RERE: variants seen among roughly 807,000 people sequenced by gnomAD.
RERE encodes arginine-glutamic acid dipeptide repeats protein.
Under a neutral mutation model 146.1 loss-of-function variants are expected in RERE, and 40 were observed. The observed-to-expected ratio is 0.27, with a 90% CI of 0.21 to 0.36. The LOEUF is 0.36. Ranked by LOEUF, RERE falls within the 10% of genes least tolerant of loss-of-function variation. The probability of loss-of-function intolerance (pLI) is 1.00; values close to 1 mark genes in which losing one functional copy is unlikely to be tolerated. For missense variants in RERE, 1,933 were observed against 2,138.7 expected, an observed-to-expected ratio of 0.90 and a Z score of 1.90; for synonymous variants, 1,003 against 866.0, an observed-to-expected ratio of 1.16 and a Z score of -2.78.
At chr1:8,567,310 T>C (rs1328681337) in intron 4 of RERE, among the ~76,000 whole-genome samples, 1 of 152,148 alleles carries the variant, frequency 6.6e-6, no homozygotes, top group Non-Finnish European at 1.5e-5. Context: ...TCACCTTCTA[T>C]CAGATGTTGA....
intron 4 of RERE, among the ~76,000 whole-genome samples, chr1:8,595,386 G>A (rs1246945375): frequency 6.6e-6 from 1 of 151,038 alleles, no homozygotes; most frequent in Non-Finnish European, 1.5e-5. Context: ...CTGTTGTCCT[G>A]AATATTTTGT....
intron 10 of RERE, among the ~76,000 whole-genome samples, chr1:8,492,168 C>T (rs1233865007): frequency 6.6e-6 from 1 of 152,152 alleles, no homozygotes; most frequent in African/African-American, 2.4e-5. Flanking sequence ...TGAAGAGTTT[C>T]AGTGTCATAA....
At chr1:8,371,401 AAAAG>A (rs1187250809) in intron 12 of RERE, among the ~76,000 whole-genome samples, 1 of 152,204 alleles carries the variant, frequency 6.6e-6, no homozygotes, top group African/African-American at 2.4e-5. Flanking sequence ...ATTTCCCACA[AAAAG>A]AAAAACAAGG....
intron 1 of RERE, among the ~76,000 whole-genome samples, chr1:8,669,077 T>TGTGTGTGTGTGTGTGTG (rs1220047868): frequency 7.5e-6 from 1 of 134,082 alleles, no homozygotes; most frequent in African/African-American, 2.8e-5. Flanking sequence ...TGTGTGTGTG[T>TGTGTGTGTGTGTGTGTG]TGTGTTTTTA....
chr1:8,810,563 C>T (rs745971055), intron 1 of RERE, among the ~76,000 whole-genome samples: 17 of 152,018 alleles, frequency 1.1e-4, no homozygotes, highest in South Asian at 6.2e-4. Context: ...GCAGAGATTG[C>T]GCCACTGCAC....
chr1:8,774,101 C>T (rs1557534602), intron 1 of RERE, among the ~76,000 whole-genome samples: 1 of 152,174 alleles, frequency 6.6e-6, no homozygotes, highest in Non-Finnish European at 1.5e-5. Context: ...CTCCACGAAT[C>T]CACACACGCA....
intron 4 of RERE, 39 bp downstream of exon 4, chr1:8,614,522 T>C (rs1646828697): frequency 1.3e-6 from 2 of 1,592,470 alleles, no homozygotes; most frequent in East Asian, 4.5e-5. Flanking sequence ...CTATGGGATA[T>C]AAAATACTGA....
rs577315623 is a variant in RERE, at chr1:8,367,243, A to C, written c.1285-1269T>G. 7.2e-5 allele frequency among the ~76,000 whole-genome samples: 11 copies of C among 152,318 alleles called. 1 individual carries two copies. The East Asian group carries it at 1.9e-3, about 27-fold the overall frequency. On this transcript the variant is annotated intron_variant, in intron 12 of 22. Transcript: ENST00000400908. ...CACCCATCAGACCAGATTTCATCCA[A>C]AACACCCCCAGAGGAAATGGCCTCA... is the stretch of plus-strand genomic sequence containing the variant.
intron 1 of RERE, among the ~76,000 whole-genome samples, chr1:8,685,770 T>C (rs1639073318): frequency 6.6e-6 from 1 of 152,168 alleles, no homozygotes. Context: ...GAAAAGAAGC[T>C]GGTGCATAAA....
chr1:8,571,181 T>C (rs751252194), intron 4 of RERE, among the ~76,000 whole-genome samples: 17 of 152,330 alleles, frequency 1.1e-4, no homozygotes, highest in African/African-American at 1.9e-4. Flanking sequence ...ATGATACTGC[T>C]TCCTACCTGA....
chr1:8,371,754 G>A (rs1642045085), intron 12 of RERE, among the ~76,000 whole-genome samples: 1 of 152,242 alleles, frequency 6.6e-6, no homozygotes, highest in Non-Finnish European at 1.5e-5. Context: ...TGGAGCAACA[G>A]GGGCCGGGGC....
chr1:8,728,046 C>A (rs960279806), intron 1 of RERE, among the ~76,000 whole-genome samples: 8 of 152,224 alleles, frequency 5.3e-5, no homozygotes, highest in African/African-American at 1.9e-4. Context: ...TCCCCAGAGG[C>A]TACTTCTGCA....
At chr1:8,380,956 T>G (rs1311935389) in intron 12 of RERE, 1 of 456,704 alleles carries the variant, frequency 2.2e-6, no homozygotes, top group South Asian at 1.5e-5. Context: ...AGTCCTTCCC[T>G]GGGTAAAAGG....
intron 12 of RERE, among the ~76,000 whole-genome samples, chr1:8,417,356 G>A (rs144643097): frequency 3.9e-5 from 6 of 152,276 alleles, no homozygotes; most frequent in African/African-American, 9.6e-5. Context: ...AGTTACGTAC[G>A]TATTTAATAG....
chr1:8,545,338 G>C (rs1049753834), intron 6 of RERE, among the ~76,000 whole-genome samples: 2 of 152,184 alleles, frequency 1.3e-5, no homozygotes, highest in East Asian at 1.9e-4. Flanking sequence ...GCGGGCCCCA[G>C]AGAGTTTTAC....
chr1:8,361,707 G>A lies in RERE; in HGVS notation c.2016+56C>T, dbSNP rs1641588609. On this transcript the variant is annotated intron_variant, in intron 17 of 22. Transcript: ENST00000400908. ...CCACCAACTAGGGAGAACCCCGGCT[G>A]GGGGCTTCTGAAGAAGCATTAGCTT... The A allele has an allele frequency of 9.5e-6, 14 of 1,475,712 alleles. No individual in the cohort carries two copies. The South Asian group carries it at 1.1e-4, about 12-fold the overall frequency. 91.4% of individuals were successfully genotyped at this position (1,475,712 alleles called of 1,614,324 possible).
intron 12 of RERE, among the ~76,000 whole-genome samples, chr1:8,392,420 CTCTG>C (rs1218778361): frequency 9.8e-5 from 15 of 152,340 alleles, no homozygotes; most frequent in African/African-American, 3.6e-4. Context: ...CTATATATCT[CTCTG>C]TCTATCCATC....
chr1:8,778,468 C>A (rs976406175), intron 1 of RERE, among the ~76,000 whole-genome samples: 1 of 152,172 alleles, frequency 6.6e-6, no homozygotes, highest in Non-Finnish European at 1.5e-5. Context: ...AAACACTATA[C>A]ATTTTAAGCA....
chr1:8,709,418 C>T (rs1366199169), intron 1 of RERE, among the ~76,000 whole-genome samples: 1 of 152,002 alleles, frequency 6.6e-6, no homozygotes, highest in Non-Finnish European at 1.5e-5. Flanking sequence ...GCACCCAGCT[C>T]CCTTGTAGAT....
Sources: allele counts gnomAD v4.1 joint callset (sites outside exome capture counted in the v4.1 genomes callset), GRCh38; gene constraint gnomAD v4.1.1; transcripts MANE v1.5; gene names NCBI Gene and HGNC (gene_info 2026-07-23, HGNC 2026-07-21).